Variants in STK33 observed in about 807,000 individuals in gnomAD.
STK33 encodes the protein serine/threonine kinase 33.
In STK33, 52 loss-of-function variants were observed where a neutral mutation model predicts 58.0. The observed-to-expected ratio is 0.90, with a 90% CI of 0.72 to 1.13. The LOEUF is 1.13. STK33 is among the 50% of genes most tolerant of loss of function. The probability of loss-of-function intolerance (pLI) is 0.00; values close to 1 mark genes in which losing one functional copy is unlikely to be tolerated. For synonymous variants in STK33, 215 were observed against 200.1 expected, an observed-to-expected ratio of 1.07 and a Z score of -0.63; for missense variants, 630 against 604.2, an observed-to-expected ratio of 1.04 and a Z score of -0.45.
the STK33 span, among the ~76,000 whole-genome samples, chr11:8,374,352 C>A: frequency 2.0e-5 from 3 of 152,264 alleles, no homozygotes; most frequent in African/African-American, 7.2e-5. Flanking sequence ...TTCATCTGCT[C>A]GAGCTACCAT....
At chr11:8,334,925 C>G in the STK33 span, among the ~76,000 whole-genome samples, 1 of 152,238 alleles carries the variant, frequency 6.6e-6, no homozygotes, top group African/African-American at 2.4e-5. Context: ...AGCACATACC[C>G]TGCTCTTGGT....
At chr11:8,460,932 T>C (rs547023266) in intron 8 of STK33, among the ~76,000 whole-genome samples, 2 of 152,328 alleles carry the variant, frequency 1.3e-5, no homozygotes, top group South Asian at 4.1e-4. Context: ...CCAAATTGAC[T>C]ATTACTACCT....
chr11:8,446,990 C>T (rs1033840893), intron 11 of STK33, among the ~76,000 whole-genome samples: 1 of 152,170 alleles, frequency 6.6e-6, no homozygotes, highest in African/African-American at 2.4e-5. Context: ...AACTAAAGAG[C>T]TTCTGCACAG....
At chr11:8,495,952 G>T (rs1951025105) in intron 1 of STK33, among the ~76,000 whole-genome samples, 1 of 151,674 alleles carries the variant, frequency 6.6e-6, no homozygotes, top group African/African-American at 2.4e-5. Context: ...CTGTCATGGG[G>T]TGGGGGGCTG....
chr11:8,399,207 G>A lies in STK33; in HGVS notation c.1345-6497C>T, dbSNP rs188458267. On this transcript the variant is annotated intron_variant, in intron 15 of 15. Transcript: ENST00000687296. ...CCACACCTATTCCAAAATTGACCCC[G>A]TAGTTGGAAGTAAAGCACTCCTCAG... Among the ~76,000 whole-genome samples the A allele has an allele frequency of 2.8e-3, 420 of 152,152 alleles. 1 individual carries two copies. The highest frequency in any genetic ancestry group is 9.4e-3 in the African/African-American group (389 of 41,532).
intron 1 of STK33, among the ~76,000 whole-genome samples, chr11:8,563,776 C>T (rs1957268571): frequency 6.6e-6 from 1 of 152,070 alleles, no homozygotes; most frequent in Admixed American, 6.6e-5. Flanking sequence ...AGAGGTATGA[C>T]TATATTGGGA....
At chr11:8,454,977 C>A in intron 9 of STK33, 145 bp from the exon 10 acceptor site, 1 of 836,124 alleles carries the variant, frequency 1.2e-6, no homozygotes, top group Non-Finnish European at 1.6e-6. Flanking sequence ...TCTATTCTCT[C>A]ATTTATAAAT....
At chr11:8,403,385 T>A (rs1292325748) in intron 15 of STK33, among the ~76,000 whole-genome samples, 1 of 152,168 alleles carries the variant, frequency 6.6e-6, no homozygotes, top group Non-Finnish European at 1.5e-5. Flanking sequence ...CTAATATGAT[T>A]AAGGGATGAA....
chr11:8,485,762 TAA>T (rs1428645213), intron 1 of STK33, among the ~76,000 whole-genome samples: 4 of 152,332 alleles, frequency 2.6e-5, no homozygotes, highest in Admixed American at 2.6e-4. Flanking sequence ...TAGTGGAGCT[TAA>T]GTCATTAGAC....
At chr11:8,353,447 G>A in the STK33 span, among the ~76,000 whole-genome samples, 6 of 152,166 alleles carry the variant, frequency 3.9e-5, no homozygotes, top group African/African-American at 1.2e-4. Flanking sequence ...TCCCTTGGGG[G>A]ACAATCAGCA....
intron 1 of STK33, among the ~76,000 whole-genome samples, chr11:8,487,386 G>A (rs906479959): frequency 7.0e-6 from 1 of 143,130 alleles, no homozygotes; most frequent in South Asian, 2.2e-4. Flanking sequence ...CATGCCACTG[G>A]ACTCCAGCCT....
At chr11:8,543,058 C>T (rs751277927) in intron 1 of STK33, among the ~76,000 whole-genome samples, 3 of 152,054 alleles carry the variant, frequency 2.0e-5, no homozygotes, top group Non-Finnish European at 4.4e-5. Context: ...AGTTTGATGC[C>T]GCCCAATGCA....
At position 8,553,199 on chromosome 11, in the gene STK33, G is replaced by GATA. The variant is rs1565347544; in HGVS notation, c.-466+40883_-466+40884insTAT. 3.6e-3 allele frequency among the ~76,000 whole-genome samples: 217 copies of GATA among 60,848 alleles called. 3 individuals are homozygous for GATA. The highest frequency in any genetic ancestry group is 9.6e-3 in the Middle Eastern group (1 of 104). The allele number at this position is 60,848 out of a possible 152,430, so 39.9% of individuals were successfully genotyped here. On this transcript the variant is annotated intron_variant, in intron 1 of 15. Coordinates refer to ENST00000687296, the MANE Select transcript of STK33 (RefSeq NM_001352389.2). ...ATATATATATATATATATATATATG[G>GATA]TGTATATATATATATATATATATAT...
At chr11:8,502,058 G>A (rs188403973) in intron 1 of STK33, among the ~76,000 whole-genome samples, 190 of 122,776 alleles carry the variant, frequency 1.5e-3, no homozygotes, top group Non-Finnish European at 2.4e-3. Context: ...AGGTTTCTTC[G>A]TGGGGAGATG....
the STK33 span, among the ~76,000 whole-genome samples, chr11:8,351,781 C>T: frequency 7.2e-5 from 11 of 152,182 alleles, no homozygotes; most frequent in African/African-American, 2.2e-4. Flanking sequence ...CATTCCACCT[C>T]GGCCTCGCAC....
chr11:8,437,133 C>A (rs902813319), intron 12 of STK33, among the ~76,000 whole-genome samples: 7 of 152,188 alleles, frequency 4.6e-5, no homozygotes, highest in Non-Finnish European at 8.8e-5. Context: ...ACCCTTTGGC[C>A]TGAAAGGGTG....
At chr11:8,395,141 A>G (rs911700014) in intron 15 of STK33, among the ~76,000 whole-genome samples, 1 of 152,208 alleles carries the variant, frequency 6.6e-6, no homozygotes, top group African/African-American at 2.4e-5. Flanking sequence ...CTATGGTTCA[A>G]TCTAATTCAT....
intron 14 of STK33, among the ~76,000 whole-genome samples, chr11:8,424,089 T>C (rs902597098): frequency 1.2e-4 from 18 of 151,762 alleles, no homozygotes; most frequent in Non-Finnish European, 2.5e-4. Flanking sequence ...CTGCACCCAT[T>C]AACTCATCAT....
intron 1 of STK33, among the ~76,000 whole-genome samples, chr11:8,543,742 A>G (rs549093495): frequency 1.3e-5 from 2 of 152,326 alleles, no homozygotes; most frequent in Admixed American, 6.5e-5. Context: ...AAAATAACTA[A>G]AAGTATAATT....
Sources: gnomAD v4.1 joint callset for allele counts (sites outside exome capture counted in the v4.1 genomes callset) on GRCh38, gnomAD v4.1.1 for gene constraint, MANE v1.5 for transcripts, NCBI Gene and HGNC (gene_info 2026-07-23, HGNC 2026-07-21) for gene names.